SLC17A6: variants seen among roughly 807,000 people sequenced by gnomAD.
SLC17A6 encodes vesicular glutamate transporter 2.
SLC17A6 carries 35 observed loss-of-function variants against 67.1 expected under a neutral mutation model. That is an observed-to-expected ratio of 0.52 (90% CI 0.40 to 0.69). The LOEUF (loss-of-function observed/expected upper bound fraction) is 0.69. SLC17A6 is among the 30% of genes least tolerant of loss of function. The pLI, the probability that SLC17A6 is intolerant of heterozygous loss-of-function variation, is 0.00. For missense variants in SLC17A6, 588 were observed against 723.9 expected (o/e 0.81, Z 2.15); for synonymous variants, 285 against 252.3 (o/e 1.13, Z -1.23).
chr11:22,357,213 T>G lies in SLC17A6; in HGVS notation c.459-2200T>G, dbSNP rs957500865. ...TCCATCTATAACATTGGTATATGTT[T>G]TAATGGATATATGGTATAATGAATA... On this transcript the variant is annotated intron_variant, in intron 3 of 11. Coordinates refer to ENST00000263160, the MANE Select transcript of SLC17A6 (RefSeq NM_020346.3). 3.3e-5 allele frequency among the ~76,000 whole-genome samples: 5 copies of G among 152,326 alleles called. 1 individual carries two copies. Among genetic ancestry groups the G allele is most frequent in the African/African-American group, 1.2e-4 (5 of 41,580 alleles).
Position 22,370,994 on chromosome 11 carries a change from T to A in SLC17A6, c.1041+806T>A, listed in dbSNP as rs570850140. 8.5e-5 allele frequency among the ~76,000 whole-genome samples: 13 copies of A among 152,236 alleles called. No individual in the cohort carries two copies. In the South Asian group the frequency reaches 2.5e-3, roughly 29 times the overall value. On this transcript the variant is annotated intron_variant, in intron 8 of 11. Coordinates refer to ENST00000263160, the MANE Select transcript of SLC17A6 (RefSeq NM_020346.3). ...TGTTGTTTGACCTGTTGAACAACAA[T>A]CGTCATTTCTATTGAAATGATGGGG...
intron 3 of SLC17A6, among the ~76,000 whole-genome samples, chr11:22,349,046 A>G (rs1460986172): frequency 6.6e-6 from 1 of 152,124 alleles, no homozygotes; most frequent in East Asian, 1.9e-4. Context: ...ACACGGACAC[A>G]CAAACACACA....
At chr11:22,361,572 A>G (rs542291798) in intron 5 of SLC17A6, among the ~76,000 whole-genome samples, 11 of 152,268 alleles carry the variant, frequency 7.2e-5, no homozygotes, top group Admixed American at 2.0e-4. Flanking sequence ...CACTGTTGCT[A>G]TAATTTCCCA....
chr11:22,360,532 C>CA (rs1856041351), intron 4 of SLC17A6, among the ~76,000 whole-genome samples: 1 of 139,332 alleles, frequency 7.2e-6, no homozygotes, highest in Non-Finnish European at 1.6e-5. Context: ...TCCTTCCCCC[C>CA]CCCCCAAAAA....
intron 2 of SLC17A6, 123 bp from the exon 3 acceptor site, chr11:22,343,124 T>C: frequency 1.5e-5 from 12 of 803,438 alleles, no homozygotes; most frequent in Non-Finnish European, 2.5e-5. Flanking sequence ...GAAGCCACTC[T>C]TATCCCCAGA....
intron 1 of SLC17A6, among the ~76,000 whole-genome samples, chr11:22,340,385 T>G (rs1590375723): frequency 6.6e-6 from 1 of 152,396 alleles, no homozygotes; most frequent in South Asian, 2.1e-4. Context: ...TGTTGTAGAC[T>G]AGAACACTAC....
rs1290728855 is a variant in SLC17A6, at chr11:22,377,465, A to T, written c.1474A>T (p.Ile492Leu). 6.2e-7 allele frequency: 1 copy of T among 1,614,166 alleles called. No individual in the cohort carries two copies. Among genetic ancestry groups the T allele is most frequent in the Non-Finnish European group, 8.5e-7 (1 of 1,180,018 alleles). ...IAALVHYGGV[I>L]FYAIFASGEK... The stretch of plus-strand genomic sequence containing the variant: ...TGCCCTAGTCCACTATGGTGGAGTT[A>T]TATTTTATGCAATATTTGCCTCAGG... Residue 492 changes from isoleucine (I) to leucine (L), a missense_variant, in exon 12 of 12, where the codon ATA becomes TTA. This residue lies in a region of SLC17A6 where 414 missense variants were observed against 563.4 expected (regional missense o/e 0.73). Coordinates refer to ENST00000263160, the MANE Select transcript of SLC17A6 (RefSeq NM_020346.3).
chr11:22,356,582 C>A (rs957682044), intron 3 of SLC17A6, among the ~76,000 whole-genome samples: 5 of 152,170 alleles, frequency 3.3e-5, no homozygotes, highest in African/African-American at 1.2e-4. Flanking sequence ...CACCTCTAAT[C>A]TCAGCACTTT....
intron 3 of SLC17A6, among the ~76,000 whole-genome samples, chr11:22,354,736 C>G (rs768582593): frequency 6.6e-6 from 1 of 152,196 alleles, no homozygotes; most frequent in Admixed American, 6.5e-5. Flanking sequence ...TAGTTCTCTA[C>G]TTACTATCTA....
chr11:22,364,350 C>G (rs943939247), intron 6 of SLC17A6, among the ~76,000 whole-genome samples: 20 of 152,022 alleles, frequency 1.3e-4, no homozygotes, highest in Admixed American at 3.3e-4. Flanking sequence ...ATCCACTCTA[C>G]TTGTTGATTT....
intron 1 of SLC17A6, among the ~76,000 whole-genome samples, chr11:22,339,156 TA>T (rs1855780159): frequency 2.2e-5 from 1 of 45,290 alleles, no homozygotes; most frequent in African/African-American, 1.2e-4. Context: ...TATATAGTTA[TA>T]TATATATGTT....
At chr11:22,369,288 G>T (rs2133875268) in intron 7 of SLC17A6, among the ~76,000 whole-genome samples, 1 of 152,004 alleles carries the variant, frequency 6.6e-6, no homozygotes, top group Admixed American at 6.5e-5. Context: ...AGTACAATTA[G>T]GTTTAATTTT....
chr11:22,376,436 C>T (rs968164885), intron 10 of SLC17A6, 109 bp from the exon 11 acceptor site: 23 of 1,181,776 alleles, frequency 1.9e-5, no homozygotes, highest in Admixed American at 4.3e-5. Flanking sequence ...TAATTAAGCA[C>T]GTGTTCTGTA....
intron 3 of SLC17A6, among the ~76,000 whole-genome samples, chr11:22,350,390 A>T (rs1321800520): frequency 6.6e-6 from 1 of 152,206 alleles, no homozygotes; most frequent in African/African-American, 2.4e-5. Context: ...GAAAAGCAGA[A>T]ATCAGGCTTT....
chr11:22,343,214 T>G (rs778660734), intron 2 of SLC17A6, 33 bp from the exon 3 acceptor site: 2 of 1,566,488 alleles, frequency 1.3e-6, no homozygotes, highest in Non-Finnish European at 8.8e-7. Context: ...ACTCTACTCT[T>G]TCCCTTCACA....
intron 2 of SLC17A6, among the ~76,000 whole-genome samples, chr11:22,342,584 G>C (rs114677620): frequency 1.3e-5 from 2 of 152,280 alleles, no homozygotes; most frequent in East Asian, 3.9e-4. Context: ...CCCTCGGGGA[G>C]TCACCCAGGC....
chr11:22,354,975 C>T (rs959775720), intron 3 of SLC17A6, among the ~76,000 whole-genome samples: 7 of 152,204 alleles, frequency 4.6e-5, no homozygotes, highest in African/African-American at 1.7e-4. Flanking sequence ...CCTTTAGGTA[C>T]ACCATTCTAT....
chr11:22,349,964 C>T (rs1033479057), intron 3 of SLC17A6, among the ~76,000 whole-genome samples: 3 of 152,118 alleles, frequency 2.0e-5, no homozygotes, highest in African/African-American at 7.2e-5. Flanking sequence ...AATCCACTGC[C>T]CAAATGGAAG....
chr11:22,379,163 A>G lies in SLC17A6; in HGVS notation c.*1423A>G, dbSNP rs1421059065. The G allele has an allele frequency of 6.6e-6, 1 of 152,524 alleles. No individual in the cohort carries two copies. Among genetic ancestry groups the G allele is most frequent in the African/African-American group, 2.4e-5 (1 of 41,442 alleles). 9.4% of individuals were successfully genotyped at this position (152,524 alleles called of 1,614,324 possible). A position where few individuals can be genotyped will look rare whatever the true frequency, so the allele number is the denominator to read the frequency against. On this transcript the variant is annotated 3_prime_UTR_variant, in exon 12 of 12. Coordinates refer to ENST00000263160, the MANE Select transcript of SLC17A6 (RefSeq NM_020346.3). ...TTTTATTTTTCTTTTAAAAAAGCTAACATCAGACCCCTTTATAATGTCCTA... is the reference window on the plus strand; with the variant it reads ...TTTTATTTTTCTTTTAAAAAAGCTAGCATCAGACCCCTTTATAATGTCCTA...
Sources: gnomAD v4.1 joint callset for allele counts (sites outside exome capture counted in the v4.1 genomes callset) on GRCh38, gnomAD v4.1.1 for gene constraint, gnomAD v4.1.1 regional missense constraint, MANE v1.5 for transcripts, NCBI Gene and HGNC (gene_info 2026-07-23, HGNC 2026-07-21) for gene names.